Variants in SLC39A12 observed in about 807,000 individuals in gnomAD.
The protein encoded by SLC39A12 is zinc transporter ZIP12.
In SLC39A12, 63 loss-of-function variants were observed where a neutral mutation model predicts 71.1. The observed-to-expected ratio is 0.89, with a 90% CI of 0.72 to 1.09. The LOEUF (loss-of-function observed/expected upper bound fraction) is 1.09. Ranked by LOEUF, SLC39A12 falls within the 50% of genes least tolerant of loss-of-function variation. The pLI is 0.00. For missense variants in SLC39A12, 892 were observed against 812.6 expected (o/e 1.10, Z -1.19); for synonymous variants, 351 against 301.3 (o/e 1.16, Z -1.71).
At chr10:17,983,158 G>T (rs1193497591) in intron 6 of SLC39A12, among the ~76,000 whole-genome samples, 1 of 100,056 alleles carries the variant, frequency 1.0e-5, no homozygotes, top group Non-Finnish European at 1.8e-5. Context: ...GACAAAGCGA[G>T]ACTCCATCTC....
intron 6 of SLC39A12, among the ~76,000 whole-genome samples, chr10:17,984,678 A>G (rs1835357092): frequency 6.6e-6 from 1 of 152,252 alleles, no homozygotes; most frequent in Non-Finnish European, 1.5e-5. Flanking sequence ...AAAAGACACG[A>G]CGATGTAGGT....
chr10:18,012,362 T>G (rs1316043779), intron 12 of SLC39A12, among the ~76,000 whole-genome samples: 1 of 152,214 alleles, frequency 6.6e-6, no homozygotes, highest in African/African-American at 2.4e-5. Flanking sequence ...AAGATTTTTA[T>G]TCTCCAGAAT....
chr10:17,990,470 CT>C (rs1835515083), intron 7 of SLC39A12, among the ~76,000 whole-genome samples: 1 of 152,028 alleles, frequency 6.6e-6, no homozygotes, highest in Admixed American at 6.5e-5. Context: ...CATAAATTGC[CT>C]TCTCTAAGAG....
Position 17,978,009 on chromosome 10 carries a change from G to C in SLC39A12, c.859G>C (p.Asp287His), listed in dbSNP as rs1208584326. The change falls in exon 5 of 13, where the codon GAC (aspartate) becomes CAC (histidine). Residue 287 changes from aspartate to histidine, a missense_variant. Asp to His is a moderately conservative substitution (Grantham distance 81). Coordinates refer to ENST00000377369, the MANE Select transcript of SLC39A12 (RefSeq NM_001145195.2). ...AAACAACATAATAACCCATGATCAG[G>C]ACTATTCTAATTTCTCTTCATCCAT... Reference protein sequence around the residue: ...KQNNIITHDQDYSNFSSSMEK... With the variant: ...KQNNIITHDQHYSNFSSSMEK... The C allele has an allele frequency of 2.9e-5, 47 of 1,607,328 alleles. No individual in the cohort carries two copies. Among genetic ancestry groups the C allele is most frequent in the Non-Finnish European group, 3.9e-5 (46 of 1,177,532 alleles).
intron 10 of SLC39A12, among the ~76,000 whole-genome samples, chr10:17,996,251 T>C (rs1835680155): frequency 8.7e-6 from 1 of 114,488 alleles, no homozygotes; most frequent in South Asian, 2.8e-4. Flanking sequence ...TTGATGTTTT[T>C]TCTATGATTT....
In SLC39A12 at chr10:17,978,015, T is replaced by C; in HGVS notation, c.865T>C (p.Ser289Pro). ...NNIITHDQDYSNFSSSMEKES... is the reference protein window; with the variant it reads ...NNIITHDQDYPNFSSSMEKES... ...CATAATAACCCATGATCAGGACTAT[T>C]CTAATTTCTCTTCATCCATGGAAAA... The change falls in exon 5 of 13, where the codon TCT (serine) becomes CCT (proline). Residue 289 changes from serine (S) to proline (P), a missense_variant. By Grantham distance (74) the Ser-to-Pro change is moderately conservative. Coordinates refer to ENST00000377369, the MANE Select transcript of SLC39A12 (RefSeq NM_001145195.2). The C allele has an allele frequency of 6.2e-7, 1 of 1,606,330 alleles. No homozygotes were observed. Among genetic ancestry groups the C allele is most frequent in the Non-Finnish European group, 8.5e-7 (1 of 1,177,204 alleles).
At chr10:17,981,230 C>T in intron 5 of SLC39A12, 82 bp from the exon 6 acceptor site, 5 of 1,256,034 alleles carry the variant, frequency 4.0e-6, no homozygotes, top group Non-Finnish European at 5.5e-6. Flanking sequence ...ATCTAGAATT[C>T]ACTCCTCAAG....
At chr10:17,990,422 G>A (rs1174346698) in intron 7 of SLC39A12, among the ~76,000 whole-genome samples, 1 of 151,946 alleles carries the variant, frequency 6.6e-6, no homozygotes, top group African/African-American at 2.4e-5. Flanking sequence ...AAATTTAATA[G>A]TAACATTCTA....
At chr10:18,028,766 C>T (rs1836752471) in intron 12 of SLC39A12, among the ~76,000 whole-genome samples, 1 of 152,140 alleles carries the variant, frequency 6.6e-6, no homozygotes, top group Non-Finnish European at 1.5e-5. Context: ...ATCGCCTAGG[C>T]TGGAGTGCAG....
At chr10:18,025,268 A>T (rs1836645638) in intron 12 of SLC39A12, among the ~76,000 whole-genome samples, 1 of 151,672 alleles carries the variant, frequency 6.6e-6, no homozygotes, top group South Asian at 2.1e-4. Flanking sequence ...GTTTTAGGGT[A>T]CATGTGCACA....
Position 18,000,719 on chromosome 10 carries a change from T to G in SLC39A12, c.1653T>G (p.His551Gln). ...TGATTCTGGTTGGGGACAGCCTGCA[T>G]AATTTTGCAGATGGCCTAGCCATAG... The part of the protein sequence containing the change: ...AIMILVGDSL[H>Q]NFADGLAIGA... Residue 551 changes from histidine to glutamine, a missense_variant, in exon 11 of 13, where the codon CAT becomes CAG. By Grantham distance (24) the His-to-Gln change is conservative. Transcript: ENST00000377369. 6.2e-7 allele frequency: 1 copy of G among 1,614,172 alleles called. No homozygotes were observed. Among genetic ancestry groups the G allele is most frequent in the Non-Finnish European group, 8.5e-7 (1 of 1,180,014 alleles).
intron 4 of SLC39A12, among the ~76,000 whole-genome samples, 173 bp downstream of exon 4, chr10:17,965,863 A>T (rs1834813298): frequency 6.6e-6 from 1 of 152,234 alleles, no homozygotes; most frequent in Non-Finnish European, 1.5e-5. Context: ...CAAGCGTGCT[A>T]TGAAAGCTAT....
intron 4 of SLC39A12, among the ~76,000 whole-genome samples, chr10:17,973,994 A>T (rs577967945): frequency 6.6e-6 from 1 of 151,602 alleles, no homozygotes; most frequent in Non-Finnish European, 1.5e-5. Flanking sequence ...CAGTTCTGCT[A>T]TTAAGACTCT....
chr10:18,022,824 C>T (rs1391390388), intron 12 of SLC39A12, among the ~76,000 whole-genome samples: 1 of 152,118 alleles, frequency 6.6e-6, no homozygotes, highest in Non-Finnish European at 1.5e-5. Flanking sequence ...TGGATGTTTC[C>T]AGAGGGCCAA....
intron 12 of SLC39A12, chr10:18,009,670 T>G (rs1355977365): frequency 6.6e-6 from 1 of 152,242 alleles, no homozygotes; most frequent in Non-Finnish European, 1.5e-5. Context: ...TTTACTTATC[T>G]TCCCTCTTGT....
chr10:18,022,279 C>G (rs1836553909), intron 12 of SLC39A12, among the ~76,000 whole-genome samples: 1 of 151,922 alleles, frequency 6.6e-6, no homozygotes, highest in Admixed American at 6.6e-5. Context: ...TAGATTTTAT[C>G]TCTTTACATA....
intron 12 of SLC39A12, among the ~76,000 whole-genome samples, chr10:18,036,763 TATATATATATATATATATATA>T (rs1256329530): frequency 2.0e-3 from 17 of 8,706 alleles, no homozygotes; most frequent in Admixed American, 3.5e-3. Flanking sequence ...TATATATATA[TATATATATATATATATATATA>T]TATATATATA....
chr10:17,954,748 A>G (rs1554847577), intron 2 of SLC39A12, among the ~76,000 whole-genome samples: 2 of 151,678 alleles, frequency 1.3e-5, no homozygotes, highest in African/African-American at 2.4e-5. Context: ...GAAAGCATAC[A>G]TAAATAAGTA....
At chr10:17,974,636 G>T (rs114181034) in intron 4 of SLC39A12, among the ~76,000 whole-genome samples, 2,095 of 152,260 alleles carry the variant, frequency 0.014, 41 homozygotes, top group African/African-American at 0.042. Context: ...CTCACTCTCT[G>T]TTCTGAGTCA....
Sources: gnomAD v4.1 joint callset for allele counts (sites outside exome capture counted in the v4.1 genomes callset) on GRCh38, gnomAD v4.1.1 for gene constraint, MANE v1.5 for transcripts, NCBI Gene and HGNC (gene_info 2026-07-23, HGNC 2026-07-21) for gene names.